NEGR1: variants seen among roughly 807,000 people sequenced by gnomAD.
NEGR1 encodes neuronal growth regulator 1, also known as IgLON family member 4.
In NEGR1, 10 loss-of-function variants were observed where a neutral mutation model predicts 40.9. That is an observed-to-expected ratio of 0.24 (90% CI 0.15 to 0.42). The LOEUF is 0.42. Ranked by LOEUF, NEGR1 falls within the 10% of genes least tolerant of loss-of-function variation. The pLI is 1.00. For synonymous variants in NEGR1, 185 were observed against 166.8 expected, an observed-to-expected ratio of 1.11 and a Z score of -0.84; for missense variants, 352 against 438.9, an observed-to-expected ratio of 0.80 and a Z score of 1.77.
At chr1:72,050,547 A>G (rs950354948) in intron 1 of NEGR1, among the ~76,000 whole-genome samples, 1 of 151,562 alleles carries the variant, frequency 6.6e-6, no homozygotes, top group Admixed American at 6.6e-5. Flanking sequence ...GCAAAAGGTA[A>G]TCATTATTTT....
At chr1:72,228,511 T>C (rs961513271) in intron 1 of NEGR1, among the ~76,000 whole-genome samples, 2 of 152,156 alleles carry the variant, frequency 1.3e-5, no homozygotes, top group Non-Finnish European at 2.9e-5. Context: ...GCCCAATAAC[T>C]GAATGAGTCA....
At chr1:72,282,237 G>C in intron 1 of NEGR1, 82 bp downstream of exon 1, 1 of 1,479,100 alleles carries the variant, frequency 6.8e-7, no homozygotes, top group Non-Finnish European at 9.3e-7. Flanking sequence ...TATTGCTTGT[G>C]TTATAAAGAA....
intron 3 of NEGR1, among the ~76,000 whole-genome samples, chr1:71,750,628 C>T (rs190154743): frequency 1.1e-4 from 17 of 152,118 alleles, no homozygotes; most frequent in South Asian, 2.1e-4. Flanking sequence ...TATTCACTAT[C>T]GAGAACAGCA....
chr1:72,127,014 T>C (rs1650047238), intron 1 of NEGR1, among the ~76,000 whole-genome samples: 1 of 152,240 alleles, frequency 6.6e-6, no homozygotes, highest in Non-Finnish European at 1.5e-5. Context: ...TCCAAGGCTG[T>C]CTGCTTTAGA....
chr1:71,666,299 A>G (rs1652239464), intron 4 of NEGR1, among the ~76,000 whole-genome samples: 1 of 152,232 alleles, frequency 6.6e-6, no homozygotes, highest in Non-Finnish European at 1.5e-5. Flanking sequence ...AGTCATTTGC[A>G]TTAAAAACAC....
At chr1:71,704,254 GAACA>G (rs1431001019) in intron 3 of NEGR1, among the ~76,000 whole-genome samples, 1 of 148,220 alleles carries the variant, frequency 6.7e-6, no homozygotes, top group Non-Finnish European at 1.5e-5. Flanking sequence ...GGAAAAGAAA[GAACA>G]AATAAAAGCT....
chr1:71,792,501 T>C (rs993592898), intron 2 of NEGR1, among the ~76,000 whole-genome samples: 1 of 152,180 alleles, frequency 6.6e-6, no homozygotes, highest in Non-Finnish European at 1.5e-5. Context: ...CATTTATCTC[T>C]GTATTGTTTT....
chr1:71,503,680 C>G lies in NEGR1; in HGVS notation c.940+89137G>C, dbSNP rs941395634. On this transcript the variant is annotated intron_variant, in intron 6 of 6. Coordinates refer to ENST00000357731, the MANE Select transcript of NEGR1 (RefSeq NM_173808.3). The stretch of plus-strand genomic sequence containing the variant: ...TTTGTAAGTGCTCCTCTTACAAGTA[C>G]TGGAATAAGGAATTTCATAAAGTAA... Among the ~76,000 whole-genome samples, 4 of 152,032 alleles carry G rather than the reference C, an allele frequency of 2.6e-5. 1 individual carries two copies. Among genetic ancestry groups the G allele is most frequent in the African/African-American group, 7.2e-5 (3 of 41,390 alleles).
intron 2 of NEGR1, among the ~76,000 whole-genome samples, chr1:71,921,703 A>AATATATATAT (rs61614174): frequency 1.3e-3 from 178 of 134,020 alleles, no homozygotes; most frequent in African/African-American, 3.9e-3. Flanking sequence ...ACAGTACAAG[A>AATATATATAT]ATATATATAT....
At chr1:71,906,719 C>T (rs1025029698) in intron 2 of NEGR1, among the ~76,000 whole-genome samples, 1 of 152,042 alleles carries the variant, frequency 6.6e-6, no homozygotes, top group South Asian at 2.1e-4. Context: ...CCTATTAACT[C>T]ATTCACTTCA....
At chr1:72,185,388 C>G (rs1045724365) in intron 1 of NEGR1, among the ~76,000 whole-genome samples, 1 of 151,850 alleles carries the variant, frequency 6.6e-6, no homozygotes, top group African/African-American at 2.4e-5. Flanking sequence ...AATCCAAGAG[C>G]TGAACTCTCC....
chr1:71,915,572 A>C (rs1023176256), intron 2 of NEGR1, among the ~76,000 whole-genome samples: 2 of 152,060 alleles, frequency 1.3e-5, no homozygotes, highest in African/African-American at 4.8e-5. Flanking sequence ...TTTTGAAGGA[A>C]ATTCTATAAT....
At chr1:71,694,134 C>T (rs943830773) in intron 4 of NEGR1, among the ~76,000 whole-genome samples, 2 of 151,382 alleles carry the variant, frequency 1.3e-5, no homozygotes, top group African/African-American at 4.8e-5. Flanking sequence ...ACCTAGTGTC[C>T]ACAAGGCTTC....
intron 1 of NEGR1, among the ~76,000 whole-genome samples, chr1:72,168,955 A>C: frequency 6.6e-6 from 1 of 152,140 alleles, no homozygotes; most frequent in East Asian, 1.9e-4. Context: ...GCGTACAAAA[A>C]GTAACTGCAA....
intron 6 of NEGR1, among the ~76,000 whole-genome samples, chr1:71,565,230 A>C (rs1206831863): frequency 1.3e-5 from 2 of 152,096 alleles, no homozygotes. Context: ...TCTTACTGAG[A>C]TCCTACTTGA....
chr1:71,685,987 G>A lies in NEGR1; in HGVS notation c.667+12021C>T, dbSNP rs573180906. Among the ~76,000 whole-genome samples, 4 of 152,020 alleles carry A rather than the reference G, an allele frequency of 2.6e-5. No individual in the cohort carries two copies. In the South Asian group the frequency reaches 8.3e-4, roughly 31 times the overall value. On this transcript the variant is annotated intron_variant, in intron 4 of 6. Transcript: ENST00000357731. ...GCCAGATGCTATTTTAAATCCAGTTGTGTTTCTGAGCAAAATCATAGGTAG... is the reference window on the plus strand; with the variant it reads ...GCCAGATGCTATTTTAAATCCAGTTATGTTTCTGAGCAAAATCATAGGTAG...
chr1:71,668,029 C>A (rs538712133), intron 4 of NEGR1, among the ~76,000 whole-genome samples: 5 of 152,032 alleles, frequency 3.3e-5, no homozygotes, highest in African/African-American at 1.2e-4. Flanking sequence ...CCCTTTTTTG[C>A]CAAGATACTC....
intron 3 of NEGR1, among the ~76,000 whole-genome samples, chr1:71,715,073 T>C (rs559641173): frequency 4.6e-5 from 7 of 152,284 alleles, no homozygotes; most frequent in Middle Eastern, 3.4e-3. Context: ...AGGCAGAGGT[T>C]CCCAAACCTC....
intron 3 of NEGR1, among the ~76,000 whole-genome samples, chr1:71,715,979 G>A (rs80183157): frequency 0.033 from 4,982 of 152,186 alleles, 113 homozygotes; most frequent in Middle Eastern, 0.071. Context: ...ATATTAGACC[G>A]TTCTCATGCT....
Sources: allele counts gnomAD v4.1 joint callset (sites outside exome capture counted in the v4.1 genomes callset), GRCh38; gene constraint gnomAD v4.1.1; transcripts MANE v1.5; gene names NCBI Gene and HGNC (gene_info 2026-07-23, HGNC 2026-07-21).